CACNA1E: variants seen among roughly 807,000 people sequenced by gnomAD.
CACNA1E encodes calcium voltage-gated channel subunit alpha1 E.
In CACNA1E, 40 loss-of-function variants were observed where a neutral mutation model predicts 259.2. That is an observed-to-expected ratio of 0.15 (90% CI 0.12 to 0.20). The LOEUF (loss-of-function observed/expected upper bound fraction) is 0.20. CACNA1E is among the 10% of genes least tolerant of loss of function. The pLI, the probability that CACNA1E is intolerant of heterozygous loss-of-function variation, is 1.00. For missense variants in CACNA1E, 1,874 were observed against 3,040.1 expected (o/e 0.62, Z 9.02); for synonymous variants, 1,104 against 1,138.5 (o/e 0.97, Z 0.61).
intron 3 of CACNA1E, among the ~76,000 whole-genome samples, chr1:181,550,504 G>A (rs983714445): frequency 1.3e-5 from 2 of 152,074 alleles, no homozygotes; most frequent in African/African-American, 4.8e-5. Flanking sequence ...GAATCAAATG[G>A]GTATGGAAAA....
At chr1:181,397,356 A>G (rs1656752177) in intron 1 of CACNA1E, among the ~76,000 whole-genome samples, 1 of 152,176 alleles carries the variant, frequency 6.6e-6, no homozygotes, top group Admixed American at 6.5e-5. Context: ...GCCGGAGTGC[A>G]GTGGCACGAT....
intron 3 of CACNA1E, among the ~76,000 whole-genome samples, chr1:181,557,288 C>G (rs1275371088): frequency 6.6e-6 from 1 of 152,196 alleles, no homozygotes; most frequent in Non-Finnish European, 1.5e-5. Flanking sequence ...GTGGTGGGAT[C>G]CATAGAAAGG....
intron 7 of CACNA1E, among the ~76,000 whole-genome samples, chr1:181,663,210 C>T (rs1173096203): frequency 3.3e-5 from 5 of 152,072 alleles, no homozygotes; most frequent in East Asian, 3.9e-4. Context: ...GTCATCTGCC[C>T]GATACCATGG....
At chr1:181,608,542 G>A (rs1281044837) in intron 6 of CACNA1E, among the ~76,000 whole-genome samples, 1 of 152,100 alleles carries the variant, frequency 6.6e-6, no homozygotes, top group Non-Finnish European at 1.5e-5. Flanking sequence ...GTAGAGGGAG[G>A]CAAGGAATGA....
chr1:181,720,676 T>G, intron 14 of CACNA1E, 107 bp from the exon 15 acceptor site: 1 of 729,588 alleles, frequency 1.4e-6, no homozygotes. Context: ...AAGAGGGGGG[T>G]TGTAGAAGAA....
rs761243813 is a variant in CACNA1E, at chr1:181,651,460, T to C, written c.1055+19T>C. 4.5e-6 allele frequency: 7 copies of C among 1,542,388 alleles called. No homozygotes were observed. Among genetic ancestry groups the C allele is most frequent in the Non-Finnish European group, 6.3e-6 (7 of 1,115,276 alleles). On this transcript the variant is annotated intron_variant, in intron 7 of 47. Transcript: ENST00000367573. ...TTTCCGGGTGAGCCAGATGTTTCTC[T>C]CTTCTTAACTCATTTGCTGACTGCT...
At chr1:181,443,688 T>C (rs553251137) in intron 2 of CACNA1E, among the ~76,000 whole-genome samples, 1 of 152,328 alleles carries the variant, frequency 6.6e-6, no homozygotes, top group African/African-American at 2.4e-5. Flanking sequence ...ATCCCTGTTT[T>C]ACAGATAAGG....
intron 6 of CACNA1E, among the ~76,000 whole-genome samples, chr1:181,631,487 C>T (rs1656732848): frequency 6.6e-6 from 1 of 152,146 alleles, no homozygotes; most frequent in Admixed American, 6.5e-5. Flanking sequence ...GTGTGCTCCC[C>T]CAGCATCGTG....
chr1:181,352,165 C>A (rs1653088844), intron 1 of CACNA1E, among the ~76,000 whole-genome samples: 1 of 152,166 alleles, frequency 6.6e-6, no homozygotes, highest in African/African-American at 2.4e-5. Flanking sequence ...CTGTCATTCC[C>A]AGGAGAGGAT....
In CACNA1E at chr1:181,755,227, C is replaced by G. The variant is rs1325821107; in HGVS notation, c.3829-10C>G. 6.2e-7 allele frequency: 1 copy of G among 1,610,798 alleles called. No individual in the cohort carries two copies. The highest frequency in any genetic ancestry group is 8.5e-7 in the Non-Finnish European group (1 of 1,178,244). Reference sequence around the variant, plus strand: ...GGTTCACACAGCAGGGCTGTTTGCTCTGTCCACAGGCCGTCTTCGACTGCG... The same window carrying G: ...GGTTCACACAGCAGGGCTGTTTGCTGTGTCCACAGGCCGTCTTCGACTGCG... On this transcript the variant is annotated splice_polypyrimidine_tract_variant and intron_variant, in intron 27 of 47. Coordinates refer to ENST00000367573, the MANE Select transcript of CACNA1E (RefSeq NM_001205293.3).
intron 3 of CACNA1E, among the ~76,000 whole-genome samples, chr1:181,551,104 C>T (rs1310861686): frequency 6.6e-6 from 1 of 152,164 alleles, no homozygotes; most frequent in Admixed American, 6.5e-5. Flanking sequence ...TCCCCAGTGG[C>T]TCGTTCTCCT....
At chr1:181,739,557 G>A (rs1429556464) in intron 25 of CACNA1E, among the ~76,000 whole-genome samples, 1 of 152,142 alleles carries the variant, frequency 6.6e-6, no homozygotes, top group Non-Finnish European at 1.5e-5. Flanking sequence ...TGTGGACAGT[G>A]TTTCCATGCA....
At chr1:181,783,141 C>T (rs938058370) in intron 39 of CACNA1E, among the ~76,000 whole-genome samples, 5 of 152,222 alleles carry the variant, frequency 3.3e-5, no homozygotes, top group African/African-American at 4.8e-5. Context: ...CAATCATGTG[C>T]GGGCAAATTT....
intron 43 of CACNA1E, among the ~76,000 whole-genome samples, chr1:181,789,416 C>T (rs1446103219): frequency 6.6e-6 from 1 of 152,158 alleles, no homozygotes; most frequent in African/African-American, 2.4e-5. Context: ...AATTGGCAAT[C>T]CTTGCTCATG....
intron 3 of CACNA1E, among the ~76,000 whole-genome samples, chr1:181,568,198 A>T (rs1650043103): frequency 6.6e-6 from 1 of 152,058 alleles, no homozygotes; most frequent in Non-Finnish European, 1.5e-5. Flanking sequence ...TGCTTATACG[A>T]ATCTACATTC....
At chr1:181,396,147 C>G (rs1374854450) in intron 1 of CACNA1E, among the ~76,000 whole-genome samples, 1 of 152,210 alleles carries the variant, frequency 6.6e-6, no homozygotes, top group Non-Finnish European at 1.5e-5. Context: ...TGAGTGGCCT[C>G]ATGACATAGC....
intron 6 of CACNA1E, among the ~76,000 whole-genome samples, chr1:181,582,031 G>A (rs1034778660): frequency 2.0e-5 from 3 of 152,268 alleles, no homozygotes; most frequent in Middle Eastern, 6.8e-3. Flanking sequence ...GAAACTCGAC[G>A]AGACTATAAT....
At chr1:181,745,835 T>C (rs1488431601) in intron 25 of CACNA1E, among the ~76,000 whole-genome samples, 2 of 152,144 alleles carry the variant, frequency 1.3e-5, no homozygotes, top group African/African-American at 4.8e-5. Context: ...GTTCACCAGA[T>C]TGAATAATAA....
chr1:181,338,432 G>A lies in CACNA1E; in HGVS notation c.-15+20309G>A, dbSNP rs1651884689. ...TTTCCCTGATGATTAGTGATGTCGA[G>A]CACCTTTTTATGCACCTCTTGGCCA... On this transcript the variant is annotated intron_variant, in intron 1 of 11. Transcript: ENST00000524607. Among the ~76,000 whole-genome samples the A allele has an allele frequency of 2.6e-5, 4 of 151,320 alleles. No individual in the cohort carries two copies. In the South Asian group the frequency reaches 8.3e-4, roughly 32 times the overall value.
Sources: gnomAD v4.1 joint callset for allele counts (sites outside exome capture counted in the v4.1 genomes callset) on GRCh38, gnomAD v4.1.1 for gene constraint, MANE v1.5 for transcripts, NCBI Gene and HGNC (gene_info 2026-07-23, HGNC 2026-07-21) for gene names.